DLGAP1: variants seen among roughly 807,000 people sequenced by gnomAD.
DLGAP1 encodes the protein disks large-associated protein 1.
DLGAP1 carries 11 observed loss-of-function variants against 90.8 expected under a neutral mutation model. The observed-to-expected ratio is 0.12, with a 90% CI of 0.08 to 0.20. DLGAP1 has a LOEUF of 0.20. Among genes scored for constraint, DLGAP1 ranks in the 10% least tolerant of loss-of-function variants. DLGAP1 has a pLI of 1.00. For missense variants in DLGAP1, 1,050 were observed against 1,333.8 expected, an observed-to-expected ratio of 0.79 and a Z score of 3.31; for synonymous variants, 558 against 540.7, an observed-to-expected ratio of 1.03 and a Z score of -0.44.
intron 10 of DLGAP1, among the ~76,000 whole-genome samples, chr18:3,514,884 C>G (rs915948963): frequency 2.0e-5 from 3 of 152,028 alleles, no homozygotes; most frequent in African/African-American, 7.2e-5. Context: ...GTGGCAATGT[C>G]TCTTTTTAAA....
intron 7 of DLGAP1, chr18:3,655,893 T>C: frequency 1.8e-6 from 1 of 561,596 alleles, no homozygotes; most frequent in Non-Finnish European, 3.1e-6. Context: ...TCAGTGCAAA[T>C]GCCACTTGAG....
intron 2 of DLGAP1, among the ~76,000 whole-genome samples, chr18:4,051,159 C>T (rs1186603483): frequency 1.3e-5 from 2 of 152,144 alleles, no homozygotes; most frequent in South Asian, 2.1e-4. Flanking sequence ...TATTAATAAA[C>T]AAGGCAAAAT....
At chr18:3,721,758 T>C (rs1280175271) in intron 7 of DLGAP1, 1 of 152,216 alleles carries the variant, frequency 6.6e-6, no homozygotes, top group Non-Finnish European at 1.5e-5. Flanking sequence ...GATTATACCA[T>C]AGTTTCCAAG....
intron 1 of DLGAP1, among the ~76,000 whole-genome samples, chr18:4,434,783 C>G (rs957705387): frequency 6.6e-6 from 1 of 152,092 alleles, no homozygotes; most frequent in African/African-American, 2.4e-5. Flanking sequence ...CTCAAGCTGT[C>G]CTTGAACAAT....
intron 3 of DLGAP1, among the ~76,000 whole-genome samples, chr18:3,984,834 C>A (rs1355519228): frequency 6.6e-6 from 1 of 151,954 alleles, no homozygotes; most frequent in African/African-American, 2.4e-5. Flanking sequence ...CTTTATTTTG[C>A]CCACAGAGCT....
intron 1 of DLGAP1, among the ~76,000 whole-genome samples, chr18:4,365,393 T>A (rs1306048436): frequency 6.6e-6 from 1 of 152,094 alleles, no homozygotes; most frequent in Non-Finnish European, 1.5e-5. Context: ...ACTGGTTGCC[T>A]AGGGCTTGGG....
chr18:3,832,271 A>C (rs1457880280), intron 4 of DLGAP1, among the ~76,000 whole-genome samples: 1 of 152,224 alleles, frequency 6.6e-6, no homozygotes, highest in Non-Finnish European at 1.5e-5. Context: ...CTATTACAAA[A>C]ACTGTGAACT....
At chr18:4,072,371 C>T (rs1299670518) in intron 2 of DLGAP1, among the ~76,000 whole-genome samples, 1 of 151,822 alleles carries the variant, frequency 6.6e-6, no homozygotes, top group African/African-American at 2.4e-5. Context: ...TGTATCAGTC[C>T]TATTAGAAAT....
intron 2 of DLGAP1, among the ~76,000 whole-genome samples, chr18:4,137,931 A>G (rs1330332922): frequency 1.3e-5 from 2 of 152,190 alleles, no homozygotes; most frequent in East Asian, 1.9e-4. Flanking sequence ...GTTGGCATAT[A>G]GAAATGCTAC....
At chr18:3,683,830 C>A (rs145386710) in intron 7 of DLGAP1, among the ~76,000 whole-genome samples, 2 of 152,072 alleles carry the variant, frequency 1.3e-5, no homozygotes, top group Non-Finnish European at 2.9e-5. Context: ...TGTGGTATTG[C>A]GATCTCTTAC....
chr18:3,694,939 G>GTTTTTTTTTT (rs1219198458), intron 7 of DLGAP1, among the ~76,000 whole-genome samples: 8 of 125,318 alleles, frequency 6.4e-5, no homozygotes, highest in Non-Finnish European at 8.5e-5. Flanking sequence ...TGTTTTTTTT[G>GTTTTTTTTTT]TTTTTTTTTT....
intron 4 of DLGAP1, among the ~76,000 whole-genome samples, chr18:3,823,983 G>A (rs1340923760): frequency 2.1e-5 from 3 of 145,866 alleles, no homozygotes; most frequent in African/African-American, 7.6e-5. Flanking sequence ...AAAAAATAGA[G>A]GTCTAGGTCT....
chr18:4,299,502 A>G (rs1164739903), intron 1 of DLGAP1, among the ~76,000 whole-genome samples: 1 of 152,230 alleles, frequency 6.6e-6, no homozygotes, highest in Non-Finnish European at 1.5e-5. Flanking sequence ...GCCAAAAATA[A>G]TCATCTGTAC....
At chr18:3,598,223 T>A (rs927878270) in intron 7 of DLGAP1, 1 of 152,212 alleles carries the variant, frequency 6.6e-6, no homozygotes, top group African/African-American at 2.4e-5. Context: ...TAGTGGCGCA[T>A]GCCTGTAGTC....
At chr18:4,320,119 C>T (rs2080640987) in intron 1 of DLGAP1, among the ~76,000 whole-genome samples, 1 of 152,088 alleles carries the variant, frequency 6.6e-6, no homozygotes, top group African/African-American at 2.4e-5. Flanking sequence ...GGGGCATTTC[C>T]CCCTAAACAT....
intron 10 of DLGAP1, among the ~76,000 whole-genome samples, chr18:3,532,920 T>C (rs75807261): frequency 0.051 from 7,726 of 152,304 alleles, 333 homozygotes; most frequent in African/African-American, 0.12. Flanking sequence ...CTTTTTCAAC[T>C]GTTAATATAA....
At chr18:3,694,059 C>T (rs1048540660) in intron 7 of DLGAP1, among the ~76,000 whole-genome samples, 12 of 150,978 alleles carry the variant, frequency 7.9e-5, no homozygotes, top group Non-Finnish European at 1.6e-4. Flanking sequence ...CCCAACAGGC[C>T]CCAGAGTGTG....
intron 5 of DLGAP1, among the ~76,000 whole-genome samples, chr18:3,754,784 T>C (rs2063649800): frequency 6.7e-6 from 1 of 149,266 alleles, no homozygotes; most frequent in Admixed American, 6.7e-5. Context: ...TAGTCCCAGC[T>C]ACTTGGGAGG....
At chr18:4,428,446 G>A (rs762362399) in intron 1 of DLGAP1, among the ~76,000 whole-genome samples, 5 of 152,202 alleles carry the variant, frequency 3.3e-5, no homozygotes, top group Non-Finnish European at 7.4e-5. Context: ...GCTGGGCATG[G>A]TGGCGCACAC....
Sources: gnomAD v4.1 joint callset for allele counts (sites outside exome capture counted in the v4.1 genomes callset) on GRCh38, gnomAD v4.1.1 for gene constraint, MANE v1.5 for transcripts, NCBI Gene and HGNC (gene_info 2026-07-23, HGNC 2026-07-21) for gene names.